MLANA: variants seen among roughly 807,000 people sequenced by gnomAD.
MLANA encodes melan-A, also known as melanoma antigen recognized by T-cells 1.
MLANA carries 21 observed loss-of-function variants against 15.7 expected under a neutral mutation model. That is an observed-to-expected ratio of 1.33 (90% CI 0.95 to 1.92). MLANA has a LOEUF of 1.92. Among genes scored for constraint, MLANA ranks in the 40% most tolerant of loss-of-function variants. The pLI is 0.00. For synonymous variants in MLANA, 56 were observed against 51.5 expected (o/e 1.09, Z -0.37); for missense variants, 164 against 143.8 (o/e 1.14, Z -0.72).
At chr9:5,904,961 G>C (rs1367151811) in intron 3 of MLANA, among the ~76,000 whole-genome samples, 2 of 151,802 alleles carry the variant, frequency 1.3e-5, no homozygotes, top group Non-Finnish European at 2.9e-5. Context: ...TTATAGTAGA[G>C]ATGTCATTTC....
In MLANA at chr9:5,897,648, T is replaced by C; in HGVS notation, c.169T>C (p.Leu57=). The C allele has an allele frequency of 6.2e-7, 1 of 1,613,754 alleles. No homozygotes were observed. The change falls in exon 3 of 5, where the codon TTG becomes CTG. Residue 57 remains leucine (L), a synonymous_variant. Transcript: ENST00000381477. ...YCRRRNGYRA[L]MDKSLHVGTQ... ...TAGAAGACGAAATGGATACAGAGCC[T>C]TGATGGTTGGTAAAGTTCCCACTGC...
rs924582525 is a variant in MLANA, at chr9:5,908,867, A to T, written c.*159A>T. The T allele has an allele frequency of 1.8e-5, 11 of 614,902 alleles. No individual in the cohort carries two copies. The highest frequency in any genetic ancestry group is 1.1e-4 in the East Asian group (4 of 35,916). 38.1% of individuals were successfully genotyped at this position (614,902 alleles called of 1,614,324 possible). Reference sequence around the variant, plus strand: ...TTAAAATTTTAGTAGGTCCGCTAGCAGTACTAATCATGTGAGGAAATGATG... The same window carrying T: ...TTAAAATTTTAGTAGGTCCGCTAGCTGTACTAATCATGTGAGGAAATGATG... On this transcript the variant is annotated 3_prime_UTR_variant, in exon 5 of 5. Transcript: ENST00000381477.
chr9:5,910,171 G>C lies in MLANA; in HGVS notation c.*1463G>C, dbSNP rs1833079183. The C allele has an allele frequency of 6.6e-6, 1 of 152,178 alleles. No homozygotes were observed. Among genetic ancestry groups the C allele is most frequent in the Admixed American group, 6.5e-5 (1 of 15,280 alleles). 9.4% of individuals were successfully genotyped at this position (152,178 alleles called of 1,614,324 possible). ...TGACATAACTGGAAGGCTTACAAGA[G>C]TTTTAAAGAAATTACTTTCTCACTA... On this transcript the variant is annotated 3_prime_UTR_variant, in exon 5 of 5. Transcript: ENST00000381477.
intron 2 of MLANA, among the ~76,000 whole-genome samples, chr9:5,893,069 G>A (rs757477716): frequency 3.3e-5 from 5 of 152,164 alleles, no homozygotes; most frequent in Non-Finnish European, 5.9e-5. Context: ...TTTTATGAGT[G>A]AATTAAAAAT....
At chr9:5,900,644 A>C (rs779609296) in intron 3 of MLANA, among the ~76,000 whole-genome samples, 1 of 152,182 alleles carries the variant, frequency 6.6e-6, no homozygotes, top group Non-Finnish European at 1.5e-5. Context: ...TCTACTTTTC[A>C]ACTTCCATTT....
At position 5,894,783 on chromosome 9, in the gene MLANA, C is replaced by T. The variant is rs986164088; in HGVS notation, c.77+2232C>T. On this transcript the variant is annotated intron_variant, in intron 2 of 4. Transcript: ENST00000381477. The surrounding 1 kb of genome is among the most constrained non-coding windows in gnomAD (Gnocchi z 4.0). ...AGGTTTGTAGGCACCCTCTAGAGTACTCTAATGGGAGCCAGTGGGCAAAGG... is the reference window on the plus strand; with the variant it reads ...AGGTTTGTAGGCACCCTCTAGAGTATTCTAATGGGAGCCAGTGGGCAAAGG... Among the ~76,000 whole-genome samples the T allele has an allele frequency of 6.6e-6, 1 of 152,140 alleles. No homozygotes were observed. The highest frequency in any genetic ancestry group is 2.4e-5 in the African/African-American group (1 of 41,430).
At chr9:5,893,585 AC>A (rs1358568697) in intron 2 of MLANA, among the ~76,000 whole-genome samples, 2 of 152,168 alleles carry the variant, frequency 1.3e-5, no homozygotes, top group Non-Finnish European at 2.9e-5. Flanking sequence ...AAATGTCCTG[AC>A]AGCAAAAACA....
intron 3 of MLANA, among the ~76,000 whole-genome samples, chr9:5,906,181 T>A (rs1300692781): frequency 7.1e-6 from 1 of 141,710 alleles, no homozygotes; most frequent in Non-Finnish European, 1.5e-5. Context: ...CAAGATCATG[T>A]CTCTTAAAAA....
chr9:5,897,123 G>A (rs1330261430), intron 2 of MLANA, among the ~76,000 whole-genome samples: 1 of 152,176 alleles, frequency 6.6e-6, no homozygotes. Flanking sequence ...GCTAATGAAT[G>A]TTTAGCACAG....
Position 5,908,968 on chromosome 9 carries a change from G to C in MLANA, c.*260G>C. ...ACTATCTGTGCCAGAGGTAATGTTA[G>C]TAAATCCATGGTGTTATTTTCTGAG... On this transcript the variant is annotated 3_prime_UTR_variant, in exon 5 of 5. Coordinates refer to ENST00000381477, the MANE Select transcript of MLANA (RefSeq NM_005511.2). The C allele has an allele frequency of 2.5e-6, 1 of 403,838 alleles. No individual in the cohort carries two copies. Among genetic ancestry groups the C allele is most frequent in the South Asian group, 4.1e-5 (1 of 24,662 alleles). The allele number at this position is 403,838 out of a possible 1,614,324, so 25.0% of individuals were successfully genotyped here.
chr9:5,901,396 CGTTTATTGAGA>C (rs1224236396), intron 3 of MLANA, among the ~76,000 whole-genome samples: 1 of 152,224 alleles, frequency 6.6e-6, no homozygotes, highest in Non-Finnish European at 1.5e-5. Context: ...CTTTATCCCT[CGTTTATTGAGA>C]GTTTTAAATT....
At chr9:5,901,347 T>G (rs1433639334) in intron 3 of MLANA, among the ~76,000 whole-genome samples, 1 of 152,344 alleles carries the variant, frequency 6.6e-6, no homozygotes, top group Non-Finnish European at 1.5e-5. Context: ...GTTGATTTTT[T>G]GTACCTAGAT....
At chr9:5,904,776 CTTT>C (rs538770905) in intron 3 of MLANA, among the ~76,000 whole-genome samples, 3 of 128,916 alleles carry the variant, frequency 2.3e-5, no homozygotes, top group Non-Finnish European at 5.0e-5. Context: ...AGTTACACTT[CTTT>C]TTTTTTTTTT....
chr9:5,902,674 T>C (rs557945926), intron 3 of MLANA, among the ~76,000 whole-genome samples: 3 of 151,972 alleles, frequency 2.0e-5, no homozygotes, highest in Non-Finnish European at 2.9e-5. Flanking sequence ...TTTTCTTTTT[T>C]TTTTTTTTAA....
intron 2 of MLANA, 109 bp from the exon 3 acceptor site, chr9:5,897,448 C>T (rs756911062): frequency 1.0e-6 from 1 of 976,324 alleles, no homozygotes; most frequent in South Asian, 1.4e-5. Context: ...CTGGGAGATG[C>T]TGCTCTGGGT....
intron 2 of MLANA, among the ~76,000 whole-genome samples, chr9:5,893,058 G>T (rs1394536833): frequency 1.3e-5 from 2 of 152,136 alleles, no homozygotes; most frequent in Admixed American, 1.3e-4. Context: ...AAGACATTGG[G>T]TTTTATGAGT....
At chr9:5,899,435 T>C (rs1832268873) in intron 3 of MLANA, among the ~76,000 whole-genome samples, 1 of 152,050 alleles carries the variant, frequency 6.6e-6, no homozygotes, top group Admixed American at 6.6e-5. Context: ...ATACAAACCA[T>C]CAAAGGCAAG....
rs1263673987 is a variant in MLANA at position 5,894,786 on chromosome 9, T to C, written c.77+2235T>C. Among the ~76,000 whole-genome samples, 1 of 152,162 alleles carries C rather than the reference T, an allele frequency of 6.6e-6. No homozygotes were observed. Among genetic ancestry groups the C allele is most frequent in the African/African-American group, 2.4e-5 (1 of 41,438 alleles). Reference sequence around the variant, plus strand: ...TTTGTAGGCACCCTCTAGAGTACTCTAATGGGAGCCAGTGGGCAAAGGAGA... The same window carrying C: ...TTTGTAGGCACCCTCTAGAGTACTCCAATGGGAGCCAGTGGGCAAAGGAGA... On this transcript the variant is annotated intron_variant, in intron 2 of 4. Coordinates refer to ENST00000381477, the MANE Select transcript of MLANA (RefSeq NM_005511.2). The surrounding 1 kb of genome is among the most constrained non-coding windows in gnomAD (Gnocchi z 4.0).
chr9:5,897,461 T>A lies in MLANA; in HGVS notation c.78-96T>A. On this transcript the variant is annotated intron_variant, in intron 2 of 4. Transcript: ENST00000381477. ...CACTGGGAGATGCTGCTCTGGGTCG[T>A]CAAAGTCCATATGAAGAGGAAGACT... 6 of 1,179,606 alleles carry A rather than the reference T, an allele frequency of 5.1e-6. No individual in the cohort carries two copies. In the Admixed American group the frequency reaches 6.9e-5, roughly 14 times the overall value. 73.1% of individuals were successfully genotyped at this position (1,179,606 alleles called of 1,614,324 possible).
Sources: allele counts gnomAD v4.1 joint callset (sites outside exome capture counted in the v4.1 genomes callset), GRCh38; gene constraint gnomAD v4.1.1; non-coding constraint Gnocchi (gnomAD v3.1); transcripts MANE v1.5; gene names NCBI Gene and HGNC (gene_info 2026-07-23, HGNC 2026-07-21).